Variants in KMT2C observed in about 807,000 individuals in gnomAD.
The protein encoded by KMT2C is lysine methyltransferase 2C, also known as histone-lysine N-methyltransferase 2C.
Under a neutral mutation model 507.9 loss-of-function variants are expected in KMT2C, and 88 were observed. That is an observed-to-expected ratio of 0.17 (90% CI 0.15 to 0.21). KMT2C has a LOEUF of 0.21. KMT2C is among the 10% of genes least tolerant of loss of function. KMT2C has a pLI of 1.00. For missense variants in KMT2C, 4,954 were observed against 5,957.8 expected (o/e 0.83, Z 5.55); for synonymous variants, 2,049 against 2,080.8 (o/e 0.98, Z 0.42).
At chr7:152,407,685 A>AAG (rs373786226) in intron 1 of KMT2C, among the ~76,000 whole-genome samples, 12,601 of 122,896 alleles carry the variant, frequency 0.1, no homozygotes, top group African/African-American at 0.12. Context: ...AAAAAAAAAA[A>AAG]GGTAGCAAAG....
chr7:152,309,668 C>T (rs916325835), intron 6 of KMT2C, among the ~76,000 whole-genome samples: 2 of 151,592 alleles, frequency 1.3e-5, no homozygotes, highest in Non-Finnish European at 2.9e-5. Flanking sequence ...TTACAGGCGA[C>T]TGCCACCATG....
At chr7:152,355,053 C>A (rs2097141533) in intron 2 of KMT2C, among the ~76,000 whole-genome samples, 1 of 152,130 alleles carries the variant, frequency 6.6e-6, no homozygotes, top group East Asian at 1.9e-4. Flanking sequence ...GGAATAATAG[C>A]AGTGGAGGGG....
chr7:152,221,593 G>A (rs1021964932), intron 22 of KMT2C, among the ~76,000 whole-genome samples: 4 of 152,112 alleles, frequency 2.6e-5, no homozygotes, highest in African/African-American at 9.7e-5. Flanking sequence ...TCAAAAGAAT[G>A]ACTGTTTAAT....
intron 48 of KMT2C, 25 bp downstream of exon 48, chr7:152,153,985 A>T: frequency 6.2e-7 from 1 of 1,611,032 alleles, no homozygotes; most frequent in Non-Finnish European, 8.5e-7. Flanking sequence ...ACTGTTTAAC[A>T]TTAAGAAGTC....
chr7:152,327,720 A>G (rs2096841739), intron 3 of KMT2C, among the ~76,000 whole-genome samples: 1 of 152,254 alleles, frequency 6.6e-6, no homozygotes, highest in South Asian at 2.1e-4. Flanking sequence ...ACACTTTGGG[A>G]GGCCAAGGCG....
At chr7:152,184,483 A>T (rs188674974) in intron 34 of KMT2C, among the ~76,000 whole-genome samples, 10 of 152,310 alleles carry the variant, frequency 6.6e-5, no homozygotes, top group Admixed American at 3.3e-4. Flanking sequence ...AAAATTACCT[A>T]ATAGTTCATG....
At chr7:152,313,756 T>C (rs148296023) in intron 4 of KMT2C, among the ~76,000 whole-genome samples, 8 of 152,250 alleles carry the variant, frequency 5.3e-5, no homozygotes, top group African/African-American at 1.7e-4. Flanking sequence ...TTAACTGCCA[T>C]ATTATCATTA....
chr7:152,174,664 G>C (rs1206748610), intron 38 of KMT2C, among the ~76,000 whole-genome samples: 1 of 151,992 alleles, frequency 6.6e-6, no homozygotes, highest in Non-Finnish European at 1.5e-5. Flanking sequence ...CTCTCAATAA[G>C]AAGCTACTAC....
intron 1 of KMT2C, among the ~76,000 whole-genome samples, chr7:152,392,687 T>C (rs951807145): frequency 5.9e-5 from 9 of 152,218 alleles, no homozygotes; most frequent in African/African-American, 2.2e-4. Context: ...AACGGAGCTG[T>C]ACAATGAAGT....
intron 2 of KMT2C, among the ~76,000 whole-genome samples, chr7:152,332,440 C>T (rs1395733070): frequency 1.3e-5 from 2 of 152,160 alleles, no homozygotes; most frequent in African/African-American, 2.4e-5. Context: ...TCCTTTCAAG[C>T]GCCTCTTCTC....
intron 37 of KMT2C, among the ~76,000 whole-genome samples, chr7:152,179,499 T>C (rs978554976): frequency 1.3e-5 from 2 of 152,174 alleles, no homozygotes; most frequent in African/African-American, 4.8e-5. Context: ...TGTAGAGTTC[T>C]TAGAGGAAAA....
chr7:152,361,373 A>C (rs1262910419), intron 1 of KMT2C, among the ~76,000 whole-genome samples: 1 of 152,158 alleles, frequency 6.6e-6, no homozygotes, highest in Admixed American at 6.5e-5. Flanking sequence ...ATCCTGGCTA[A>C]CACGGTGAAA....
At chr7:152,322,924 T>A (rs901281326) in intron 3 of KMT2C, among the ~76,000 whole-genome samples, 14 of 152,124 alleles carry the variant, frequency 9.2e-5, no homozygotes, top group Admixed American at 4.6e-4. Flanking sequence ...ATGTTCAGCA[T>A]CACTACTCAT....
intron 6 of KMT2C, among the ~76,000 whole-genome samples, chr7:152,291,111 T>C (rs1464842005): frequency 2.0e-5 from 3 of 152,242 alleles, no homozygotes; most frequent in Non-Finnish European, 2.9e-5. Flanking sequence ...CAAAATATTA[T>C]GAAATCTACA....
In KMT2C at chr7:152,187,718, G is replaced by C; in HGVS notation, c.4790C>G (p.Ala1597Gly). The C allele has an allele frequency of 1.9e-6, 3 of 1,612,558 alleles. No individual in the cohort carries two copies. Among genetic ancestry groups the C allele is most frequent in the Non-Finnish European group, 2.5e-6 (3 of 1,179,638 alleles). The change falls in exon 32 of 59, where the codon GCC becomes GGC. Residue 1597 changes from alanine (A) to glycine (G), a missense_variant. Coordinates refer to ENST00000262189, the MANE Select transcript of KMT2C (RefSeq NM_170606.3). ...SAIAQSSYPD[A>G]RDKNSAFNPM... ...CCATAGAAAATAAGGCTTGTACCTG[G>C]CATCAGGATAAGAGGATTGTGCAAT... is the stretch of plus-strand genomic sequence containing the variant.
intron 7 of KMT2C, among the ~76,000 whole-genome samples, chr7:152,267,784 G>GA (rs1211266005): frequency 3.3e-5 from 5 of 152,048 alleles, no homozygotes; most frequent in African/African-American, 1.2e-4. Flanking sequence ...TCACCTAAAA[G>GA]AAAATCAGAA....
chr7:152,382,024 G>A (rs1441501279), intron 1 of KMT2C, among the ~76,000 whole-genome samples: 3 of 152,190 alleles, frequency 2.0e-5, no homozygotes, highest in African/African-American at 7.2e-5. Context: ...CCATATGGTT[G>A]CCCGTAACAT....
chr7:152,412,658 G>A (rs2097695724), intron 1 of KMT2C, among the ~76,000 whole-genome samples: 1 of 152,088 alleles, frequency 6.6e-6, no homozygotes, highest in South Asian at 2.1e-4. Flanking sequence ...CGTAACTGCA[G>A]TCTACTTCTT....
At chr7:152,298,930 A>G (rs1316829182) in intron 6 of KMT2C, among the ~76,000 whole-genome samples, 2 of 152,224 alleles carry the variant, frequency 1.3e-5, no homozygotes, top group African/African-American at 4.8e-5. Flanking sequence ...ACTTGAAGGT[A>G]GACCTCTCTA....
Sources: gnomAD v4.1 joint callset for allele counts (sites outside exome capture counted in the v4.1 genomes callset) on GRCh38, gnomAD v4.1.1 for gene constraint, MANE v1.5 for transcripts, NCBI Gene and HGNC (gene_info 2026-07-23, HGNC 2026-07-21) for gene names.